Variants in PRKN observed in about 807,000 individuals in gnomAD.
PRKN encodes the protein E3 ubiquitin-protein ligase parkin.
In PRKN, 56 loss-of-function variants were observed where a neutral mutation model predicts 59.5. The observed-to-expected ratio is 0.94, with a 90% confidence interval of 0.76 to 1.18. The LOEUF (loss-of-function observed/expected upper bound fraction) is 1.18, where lower values mean the gene tolerates loss of function less well. Among genes scored for constraint, PRKN ranks in the 50% most tolerant of loss-of-function variants. The pLI is 0.00. For missense variants in PRKN, 657 were observed against 596.4 expected (o/e 1.10, Z -1.06); for synonymous variants, 250 against 222.1 (o/e 1.13, Z -1.12).
chr6:162,012,447 T>C (rs891861052), intron 5 of PRKN, among the ~76,000 whole-genome samples: 1 of 151,932 alleles, frequency 6.6e-6, no homozygotes, highest in Non-Finnish European at 1.5e-5. Flanking sequence ...TTATTATATA[T>C]CTTTATGTAT....
chr6:161,552,590 C>T lies in PRKN; in HGVS notation c.934-3587G>A, dbSNP rs9688904. ...CTTCCACATTGAAAAAAAACAAAAA[C>T]AAAAAACAAAAAACAAAAAACTTTT... is the stretch of plus-strand genomic sequence containing the variant. On this transcript the variant is annotated intron_variant, in intron 8 of 11. Transcript: ENST00000366898. This position sits in a 1 kb window ranked among gnomAD's most constrained non-coding sequence, Gnocchi z 4.9. Among the ~76,000 whole-genome samples the T allele has an allele frequency of 1.4e-5, 2 of 147,246 alleles. No individual in the cohort carries two copies. Among genetic ancestry groups the T allele is most frequent in the Admixed American group, 1.3e-4 (2 of 15,032 alleles).
intron 4 of PRKN, among the ~76,000 whole-genome samples, chr6:162,178,348 T>C (rs758874805): frequency 1.3e-5 from 2 of 152,232 alleles, no homozygotes; most frequent in African/African-American, 2.4e-5. Flanking sequence ...CAAATTGTAA[T>C]GGGCCTATCC....
At chr6:161,801,512 A>T (rs1239029380) in intron 6 of PRKN, among the ~76,000 whole-genome samples, 1 of 152,160 alleles carries the variant, frequency 6.6e-6, no homozygotes, top group Non-Finnish European at 1.5e-5. Context: ...ACGGGGCTTT[A>T]ACTTATTGAG....
intron 3 of PRKN, among the ~76,000 whole-genome samples, chr6:162,246,739 C>T (rs958372545): frequency 4.6e-5 from 7 of 152,090 alleles, no homozygotes; most frequent in African/African-American, 1.2e-4. Context: ...GTACTTAATC[C>T]GAACTTCTCG....
At chr6:161,736,231 A>C (rs955833635) in intron 7 of PRKN, among the ~76,000 whole-genome samples, 4 of 152,354 alleles carry the variant, frequency 2.6e-5, no homozygotes, top group South Asian at 4.1e-4. Context: ...ATTATCAAAG[A>C]GAAAGGGCTT....
At chr6:162,164,989 C>T (rs1583135551) in intron 4 of PRKN, among the ~76,000 whole-genome samples, 1 of 148,586 alleles carries the variant, frequency 6.7e-6, no homozygotes, top group Admixed American at 6.7e-5. Flanking sequence ...GGTATTGCTA[C>T]TAATGGTATC....
At chr6:161,648,255 A>G (rs1054863430) in intron 7 of PRKN, among the ~76,000 whole-genome samples, 2 of 152,206 alleles carry the variant, frequency 1.3e-5, no homozygotes, top group Non-Finnish European at 2.9e-5. Context: ...TCATATTCTG[A>G]AAGTGTAATA....
intron 1 of PRKN, among the ~76,000 whole-genome samples, chr6:162,619,012 G>T (rs900006588): frequency 4.6e-5 from 7 of 152,138 alleles, no homozygotes; most frequent in African/African-American, 1.7e-4. Context: ...AATAAGGATT[G>T]ATTTACTGCC....
chr6:162,641,827 T>C (rs1777972834), intron 1 of PRKN, among the ~76,000 whole-genome samples: 1 of 152,208 alleles, frequency 6.6e-6, no homozygotes, highest in African/African-American at 2.4e-5. Flanking sequence ...TTTTTTTATA[T>C]CTTGTGAATA....
chr6:161,956,169 G>A (rs115734693), intron 6 of PRKN, among the ~76,000 whole-genome samples: 1 of 152,122 alleles, frequency 6.6e-6, no homozygotes, highest in African/African-American at 2.4e-5. Flanking sequence ...GAGAGACTGG[G>A]GAACTTGCCC....
rs138576076 is a variant in PRKN at position 161,929,686 on chromosome 6, G to C, written c.734+43616C>G. ...TTACAGGCACACGCCACCACACCTGGCTAATTTTTTAGTAGAAACGGGGTT... is the reference window on the plus strand; with the variant it reads ...TTACAGGCACACGCCACCACACCTGCCTAATTTTTTAGTAGAAACGGGGTT... On this transcript the variant is annotated intron_variant, in intron 6 of 11. Coordinates refer to ENST00000366898, the MANE Select transcript of PRKN (RefSeq NM_004562.3). Among the ~76,000 whole-genome samples, 11 of 151,938 alleles carry C rather than the reference G, an allele frequency of 7.2e-5. No individual in the cohort carries two copies. The East Asian group carries it at 1.9e-3, about 27-fold the overall frequency.
At chr6:161,829,088 T>C (rs767851105) in intron 6 of PRKN, among the ~76,000 whole-genome samples, 1 of 152,052 alleles carries the variant, frequency 6.6e-6, no homozygotes, top group Non-Finnish European at 1.5e-5. Context: ...TAGCCAGGCA[T>C]AGTGGCATGT....
chr6:162,439,237 C>A (rs1028138759), intron 2 of PRKN, among the ~76,000 whole-genome samples: 3 of 151,970 alleles, frequency 2.0e-5, no homozygotes, highest in Non-Finnish European at 2.9e-5. Flanking sequence ...GCTAGGCAGC[C>A]CCTTTCTGAG....
chr6:162,598,433 T>A (rs2128215973), intron 1 of PRKN, among the ~76,000 whole-genome samples: 1 of 152,276 alleles, frequency 6.6e-6, no homozygotes, highest in Middle Eastern at 3.4e-3. Context: ...GAAAAATTGC[T>A]CCTCATGGAG....
In PRKN at chr6:161,409,811, A is replaced by G. The variant is rs1787439311; in HGVS notation, c.1084-22934T>C. ...GCCCAGTGGCAGTCTGCCTTCTGTT[A>G]ATTCCCAAGGTTCTCAGCATTCCTC... is the stretch of plus-strand genomic sequence containing the variant. On this transcript the variant is annotated intron_variant, in intron 9 of 11. Transcript: ENST00000366898. This position sits in a 1 kb window ranked among gnomAD's most constrained non-coding sequence, Gnocchi z 4.6. Among the ~76,000 whole-genome samples, 3 of 152,310 alleles carry G rather than the reference A, an allele frequency of 2.0e-5. No homozygotes were observed. The highest frequency in any genetic ancestry group is 6.8e-3 in the Middle Eastern group (2 of 294).
chr6:161,450,352 A>G (rs1037995564), intron 9 of PRKN, among the ~76,000 whole-genome samples: 1 of 152,144 alleles, frequency 6.6e-6, no homozygotes, highest in South Asian at 2.1e-4. Context: ...AACACATCCC[A>G]TGTTGCGAAG....
chr6:161,415,399 C>A (rs539271286), intron 9 of PRKN, among the ~76,000 whole-genome samples: 1 of 152,074 alleles, frequency 6.6e-6, no homozygotes, highest in South Asian at 2.1e-4. Flanking sequence ...TAAACAATAA[C>A]GACACTACCT....
intron 5 of PRKN, among the ~76,000 whole-genome samples, chr6:162,021,169 ATATATG>A (rs1783162990): frequency 2.4e-5 from 1 of 42,330 alleles, no homozygotes; most frequent in Admixed American, 3.4e-4. Flanking sequence ...TATATATAAA[ATATATG>A]TGTATATATA....
In PRKN at chr6:162,332,511, C is replaced by T. The variant is rs574993939; in HGVS notation, c.172-69746G>A. On this transcript the variant is annotated intron_variant, in intron 2 of 11. Coordinates refer to ENST00000366898, the MANE Select transcript of PRKN (RefSeq NM_004562.3). The stretch of plus-strand genomic sequence containing the variant: ...CTGCTCCCTTGGATTGGTAAATTAT[C>T]GTATCAGTATAAACCCATGCCATCA... 1.2e-4 allele frequency among the ~76,000 whole-genome samples: 18 copies of T among 152,228 alleles called. No individual in the cohort carries two copies. In the South Asian group the frequency reaches 2.3e-3, roughly 19 times the overall value.
Sources: allele counts gnomAD v4.1 joint callset (sites outside exome capture counted in the v4.1 genomes callset), GRCh38; gene constraint gnomAD v4.1.1; non-coding constraint Gnocchi (gnomAD v3.1); transcripts MANE v1.5; gene names NCBI Gene and HGNC (gene_info 2026-07-23, HGNC 2026-07-21).